Variants in CABIN1 observed in about 807,000 individuals in gnomAD.
CABIN1 encodes the protein calcineurin-binding protein cabin-1.
A neutral mutation model predicts 227.7 loss-of-function variants in CABIN1; 133 were observed. The ratio of observed to expected loss-of-function variants is 0.58; its 90% CI spans 0.51 to 0.67. CABIN1 has a LOEUF of 0.67. CABIN1 is among the 30% of genes least tolerant of loss of function. The pLI is 0.00. For synonymous variants in CABIN1, 1,086 were observed against 1,155.1 expected (o/e 0.94, Z 1.21); for missense variants, 2,408 against 2,852.5 (o/e 0.84, Z 3.55).
intron 29 of CABIN1, among the ~76,000 whole-genome samples, chr22:24,161,296 C>T: frequency 6.6e-6 from 1 of 152,116 alleles, no homozygotes; most frequent in East Asian, 1.9e-4. Flanking sequence ...TGGTGTGCAC[C>T]CCCAGCTGCC....
intron 28 of CABIN1, among the ~76,000 whole-genome samples, chr22:24,128,087 C>G (rs1454304719): frequency 6.6e-6 from 1 of 152,132 alleles, no homozygotes; most frequent in Non-Finnish European, 1.5e-5. Flanking sequence ...ACCCCCACCC[C>G]CATTGAGAAC....
intron 13 of CABIN1, among the ~76,000 whole-genome samples, chr22:24,062,448 C>T (rs1008321505): frequency 1.8e-4 from 27 of 149,998 alleles, no homozygotes; most frequent in African/African-American, 6.2e-4. Flanking sequence ...ACCTCTGCCT[C>T]CCAGGCTCAA....
intron 22 of CABIN1, among the ~76,000 whole-genome samples, 189 bp downstream of exon 22, chr22:24,085,340 G>A (rs746064731): frequency 2.0e-5 from 3 of 152,202 alleles, no homozygotes; most frequent in East Asian, 1.9e-4. Context: ...AAAAAGAAGA[G>A]CAGAGGAGAA....
chr22:24,104,726 G>A (rs562931373), intron 26 of CABIN1, among the ~76,000 whole-genome samples: 1 of 152,220 alleles, frequency 6.6e-6, no homozygotes, highest in Non-Finnish European at 1.5e-5. Flanking sequence ...TCTGGTGGAC[G>A]TGTTCTTTTC....
chr22:24,178,200 G>A lies in CABIN1; in HGVS notation c.*4G>A. On this transcript the variant is annotated 3_prime_UTR_variant, in exon 37 of 37. Transcript: ENST00000263119. ...CGACGACTACATGGACATTTGAGGG[G>A]CCACTGCAGCCCCACCGCCACGCCC... The A allele has an allele frequency of 6.2e-7, 1 of 1,612,668 alleles. No homozygotes were observed. The highest frequency in any genetic ancestry group is 1.1e-5 in the South Asian group (1 of 91,068).
At chr22:24,171,564 G>A (rs2046813736) in intron 33 of CABIN1, 149 bp from the exon 34 acceptor site, 3 of 845,146 alleles carry the variant, frequency 3.5e-6, no homozygotes, top group East Asian at 2.5e-5. Context: ...TGGCAGCATT[G>A]TGGGGGCTCA....
At chr22:24,155,984 C>T in intron 29 of CABIN1, 1 of 560,694 alleles carries the variant, frequency 1.8e-6, no homozygotes, top group Non-Finnish European at 3.1e-6. Context: ...CCCGCCCCGG[C>T]CCGCCGCGAG....
At chr22:24,156,356 C>T (rs2045809785) in intron 29 of CABIN1, among the ~76,000 whole-genome samples, 1 of 152,028 alleles carries the variant, frequency 6.6e-6, no homozygotes, top group African/African-American at 2.4e-5. Context: ...GCACCCGGTT[C>T]AGCGTCAGGT....
intron 27 of CABIN1, among the ~76,000 whole-genome samples, chr22:24,115,993 A>G (rs2043062612): frequency 6.6e-6 from 1 of 152,218 alleles, no homozygotes; most frequent in Non-Finnish European, 1.5e-5. Context: ...CCTGCCTGGC[A>G]TGAGATGCGC....
At chr22:24,030,124 A>G (rs766854941) in intron 1 of CABIN1, among the ~76,000 whole-genome samples, 1 of 152,200 alleles carries the variant, frequency 6.6e-6, no homozygotes, top group Non-Finnish European at 1.5e-5. Flanking sequence ...TGCATAAGTG[A>G]TGGCCCAACA....
chr22:24,076,723 C>A (rs1045557136), intron 19 of CABIN1, among the ~76,000 whole-genome samples: 7 of 152,198 alleles, frequency 4.6e-5, no homozygotes, highest in Non-Finnish European at 8.8e-5. Context: ...GCTATTATTA[C>A]ATCCATTCAG....
intron 34 of CABIN1, chr22:24,173,495 G>C (rs1321382919): frequency 6.6e-6 from 1 of 152,216 alleles, no homozygotes; most frequent in East Asian, 1.9e-4. Flanking sequence ...GTGGCCATTT[G>C]TTCCCAGAGG....
At chr22:24,082,004 G>C (rs1049045100) in intron 19 of CABIN1, among the ~76,000 whole-genome samples, 1 of 152,106 alleles carries the variant, frequency 6.6e-6, no homozygotes, top group Non-Finnish European at 1.5e-5. Context: ...TCCAGCCTGG[G>C]CGACGGAGCG....
rs1334116616 is a variant in CABIN1, at chr22:24,176,282, C to T, written c.6205+7C>T. 15 of 1,594,014 alleles carry T rather than the reference C, an allele frequency of 9.4e-6. No homozygotes were observed. Among genetic ancestry groups the T allele is most frequent in the Non-Finnish European group, 1.3e-5 (15 of 1,173,170 alleles). On this transcript the variant is annotated splice_region_variant and intron_variant, in intron 35 of 36. Coordinates refer to ENST00000263119, the MANE Select transcript of CABIN1 (RefSeq NM_012295.4). ...GAGCCCACCTGCAGCCAGGGTAAGG[C>T]GAGTTGGGAGCAGCCCAGCACCAGC...
rs1241925647 is a variant in CABIN1, at chr22:24,050,854, G to C, written c.686G>C (p.Ser229Thr). The change falls in exon 8 of 37, where the codon AGT (serine) becomes ACT (threonine). Residue 229 changes from serine (S) to threonine (T), a missense_variant. Transcript: ENST00000263119. ...ATGTCGATTCACGATGTTTCGGTGA[G>C]TGCAGCTGAGACACAGGCGATTGTA... ...CDMSIHDVSV[S>T]AAETQAIVDE... 6 of 1,614,094 alleles carry C rather than the reference G, an allele frequency of 3.7e-6. No homozygotes were observed. In the Admixed American group the frequency reaches 5.0e-5, roughly 13 times the overall value.
chr22:24,015,677 C>T (rs1227194359), intron 1 of CABIN1, among the ~76,000 whole-genome samples: 1 of 151,848 alleles, frequency 6.6e-6, no homozygotes, highest in Non-Finnish European at 1.5e-5. Context: ...TTTATTGAGG[C>T]CAGGCATGGT....
chr22:24,148,667 T>C (rs1456700358), intron 29 of CABIN1, among the ~76,000 whole-genome samples: 1 of 152,208 alleles, frequency 6.6e-6, no homozygotes, highest in Non-Finnish European at 1.5e-5. Flanking sequence ...TTGGATGATA[T>C]CAGTGGTTTT....
chr22:24,091,778 G>A lies in CABIN1; in HGVS notation c.3721G>A (p.Ala1241Thr). Residue 1241 changes from alanine (A) to threonine (T), a missense_variant, in exon 24 of 37, where the codon GCT (alanine) becomes ACT (threonine). Around this residue, in one of 3 missense-constraint regions of CABIN1, gnomAD observed 649 missense variants for 910.3 expected, o/e 0.71. Coordinates refer to ENST00000263119, the MANE Select transcript of CABIN1 (RefSeq NM_012295.4). ...GGCTGGCCACTACCTGCACGAGGAG[G>A]CTGCCCGCTACCCCAAGAAGATCCA... Reference protein sequence around the residue: ...RQAGHYLHEEAARYPKKIHYH... With the variant: ...RQAGHYLHEETARYPKKIHYH... 6.2e-7 allele frequency: 1 copy of A among 1,613,906 alleles called. No individual in the cohort carries two copies. The highest frequency in any genetic ancestry group is 8.5e-7 in the Non-Finnish European group (1 of 1,179,966).
intron 11 of CABIN1, 39 bp from the exon 12 acceptor site, chr22:24,059,885 C>G (rs778633936): frequency 8.3e-6 from 13 of 1,558,458 alleles, no homozygotes; most frequent in Non-Finnish European, 2.7e-6. Flanking sequence ...ATGGAAGGTA[C>G]TCTTTATTCA....
Sources: allele counts gnomAD v4.1 joint callset (sites outside exome capture counted in the v4.1 genomes callset), GRCh38; gene constraint gnomAD v4.1.1; regional missense constraint gnomAD v4.1.1; transcripts MANE v1.5; gene names NCBI Gene and HGNC (gene_info 2026-07-23, HGNC 2026-07-21).